PHF14: variants seen among roughly 807,000 people sequenced by gnomAD.
PHF14 encodes the protein PHD finger protein 14.
In PHF14, 55 loss-of-function variants were observed where a neutral mutation model predicts 117.9. The observed-to-expected ratio is 0.47, with a 90% CI of 0.38 to 0.58. The LOEUF is 0.58. PHF14 is among the 20% of genes least tolerant of loss of function. PHF14 has a pLI of 0.00. For missense variants in PHF14, 978 were observed against 1,122.2 expected, an observed-to-expected ratio of 0.87 and a Z score of 1.84; for synonymous variants, 409 against 368.6, an observed-to-expected ratio of 1.11 and a Z score of -1.26.
chr7:11,042,646 T>C, intron 12 of PHF14, 37 bp from the exon 13 acceptor site: 3 of 1,438,788 alleles, frequency 2.1e-6, no homozygotes, highest in Non-Finnish European at 1.9e-6. Context: ...CTATGATAAT[T>C]ATTATTGAAA....
chr7:10,988,780 AG>A (rs765350667), intron 3 of PHF14, among the ~76,000 whole-genome samples: 1 of 152,190 alleles, frequency 6.6e-6, no homozygotes, highest in Non-Finnish European at 1.5e-5. Context: ...AGTTTGTGCC[AG>A]GAACATTCTT....
intron 3 of PHF14, among the ~76,000 whole-genome samples, chr7:10,986,833 G>C (rs1424754656): frequency 6.6e-6 from 1 of 152,142 alleles, no homozygotes; most frequent in South Asian, 2.1e-4. Context: ...ATTAATCCAT[G>C]ACCGTAAATT....
At chr7:11,060,275 GTCTT>G (rs1212981523) in intron 14 of PHF14, among the ~76,000 whole-genome samples, 1 of 152,116 alleles carries the variant, frequency 6.6e-6, no homozygotes, top group East Asian at 1.9e-4. Context: ...AGTTAATTGA[GTCTT>G]TATGTCATAA....
chr7:10,993,650 C>T (rs1245757226), intron 4 of PHF14, among the ~76,000 whole-genome samples: 1 of 152,038 alleles, frequency 6.6e-6, no homozygotes, highest in Non-Finnish European at 1.5e-5. Context: ...TGAAGTAGGA[C>T]AAGGAGTATA....
chr7:11,060,510 G>C (rs1440633500), intron 14 of PHF14, among the ~76,000 whole-genome samples: 1 of 152,154 alleles, frequency 6.6e-6, no homozygotes, highest in Non-Finnish European at 1.5e-5. Flanking sequence ...TTAAACTTAT[G>C]TGTATTTGAC....
chr7:10,992,867 C>T (rs374916021), intron 4 of PHF14, among the ~76,000 whole-genome samples: 2 of 152,238 alleles, frequency 1.3e-5, no homozygotes, highest in South Asian at 2.1e-4. Context: ...TGTTTAGTCA[C>T]CTTTAATGTA....
chr7:11,002,267 T>TG (rs1214855752), intron 4 of PHF14, among the ~76,000 whole-genome samples: 1 of 151,752 alleles, frequency 6.6e-6, no homozygotes, highest in Admixed American at 6.6e-5. Context: ...AAAGTAAAAA[T>TG]GGGGGGATAA....
intron 9 of PHF14, 102 bp downstream of exon 9, chr7:11,036,790 C>T: frequency 9.3e-7 from 1 of 1,080,618 alleles, no homozygotes; most frequent in East Asian, 2.6e-5. Flanking sequence ...AGCCATGCTG[C>T]ATATATCATA....
At chr7:11,086,178 C>T (rs572914057) in intron 16 of PHF14, among the ~76,000 whole-genome samples, 18 of 152,126 alleles carry the variant, frequency 1.2e-4, no homozygotes, top group African/African-American at 4.3e-4. Context: ...ATCCAGTTGT[C>T]TTACTAAAAC....
At position 11,151,133 on chromosome 7, in the gene PHF14, AACAT is replaced by A. The variant is rs1219816334; in HGVS notation, c.2773-18282_2773-18279del. 4.3e-4 allele frequency among the ~76,000 whole-genome samples: 65 copies of A among 152,282 alleles called. 1 individual carries two copies. Among genetic ancestry groups the A allele is most frequent in the African/African-American group, 1.6e-3 (65 of 41,574 alleles). On this transcript the variant is annotated intron_variant, in intron 17 of 17. Transcript: ENST00000634607. ...ATTTAAATTTTCTGAGTAATTGTTG[AACAT>A]GTATATTATGAGAAATAGCACTTTG...
At chr7:11,008,674 A>G (rs1169953726) in intron 4 of PHF14, among the ~76,000 whole-genome samples, 3 of 152,086 alleles carry the variant, frequency 2.0e-5, no homozygotes, top group African/African-American at 7.2e-5. Context: ...ATGCTTTGGG[A>G]TATATTTCTG....
At chr7:11,167,925 C>T (rs968725294) in intron 17 of PHF14, among the ~76,000 whole-genome samples, 3 of 151,052 alleles carry the variant, frequency 2.0e-5, no homozygotes, top group African/African-American at 7.3e-5. Context: ...ACTCGGGAGG[C>T]TGAGGCAGGA....
chr7:11,004,648 G>A (rs1449885392), intron 4 of PHF14, among the ~76,000 whole-genome samples: 2 of 151,406 alleles, frequency 1.3e-5, no homozygotes, highest in South Asian at 2.1e-4. Context: ...GGATATATCT[G>A]ATTGTTTTCT....
chr7:10,990,224 T>C (rs1782401190), intron 3 of PHF14, among the ~76,000 whole-genome samples: 1 of 152,216 alleles, frequency 6.6e-6, no homozygotes, highest in South Asian at 2.1e-4. Context: ...TTATTTTGAA[T>C]TGATTTTTTC....
intron 16 of PHF14, among the ~76,000 whole-genome samples, chr7:11,068,093 G>A (rs913909503): frequency 2.0e-4 from 30 of 152,266 alleles, no homozygotes; most frequent in African/African-American, 6.3e-4. Flanking sequence ...GCTCACGCCT[G>A]TAATCCCAGC....
rs924819160 is a variant in PHF14 at position 11,063,808 on chromosome 7, T to G, written c.2654+1723T>G. ...GTGCCATCTTCTAATTTTGATAAGA[T>G]TTTTGAATAGTATTACTCTATGTTA... On this transcript the variant is annotated intron_variant, in intron 16 of 17. Transcript: ENST00000634607. The G allele has an allele frequency of 1.7e-5, 7 of 406,512 alleles. No individual in the cohort carries two copies. The Admixed American group carries it at 1.9e-4, about 11-fold the overall frequency. 25.2% of individuals were successfully genotyped at this position (406,512 alleles called of 1,614,324 possible).
chr7:10,979,983 A>T (rs1781997876), intron 2 of PHF14, among the ~76,000 whole-genome samples: 1 of 152,120 alleles, frequency 6.6e-6, no homozygotes, highest in African/African-American at 2.4e-5. Flanking sequence ...TTTTTTAAAA[A>T]ATTGCTTTCT....
intron 17 of PHF14, among the ~76,000 whole-genome samples, chr7:11,131,583 C>G (rs930077096): frequency 4.6e-5 from 7 of 151,764 alleles, no homozygotes; most frequent in African/African-American, 1.5e-4. Context: ...AATATTTTCT[C>G]CAATTTGCAA....
intron 17 of PHF14, among the ~76,000 whole-genome samples, chr7:11,156,311 C>T (rs1788849274): frequency 6.6e-6 from 1 of 152,070 alleles, no homozygotes; most frequent in Non-Finnish European, 1.5e-5. Context: ...TTTCTTGAAG[C>T]AAATTCAATT....
Sources: gnomAD v4.1 joint callset for allele counts (sites outside exome capture counted in the v4.1 genomes callset) on GRCh38, gnomAD v4.1.1 for gene constraint, MANE v1.5 for transcripts, NCBI Gene and HGNC (gene_info 2026-07-23, HGNC 2026-07-21) for gene names.